The following NELL1 variants were observed in gnomAD, a reference collection of about 807,000 sequenced individuals.
NELL1 encodes protein kinase C-binding protein NELL1.
In NELL1, 76 loss-of-function variants were observed where a neutral mutation model predicts 107.4. The observed-to-expected ratio is 0.71, with a 90% CI of 0.59 to 0.86. The LOEUF is 0.86. Ranked by LOEUF, NELL1 falls within the 40% of genes least tolerant of loss-of-function variation. NELL1 has a pLI of 0.00. For synonymous variants in NELL1, 353 were observed against 341.2 expected, an observed-to-expected ratio of 1.03 and a Z score of -0.38; for missense variants, 1,024 against 1,005.5, an observed-to-expected ratio of 1.02 and a Z score of -0.25.
rs185018311 is a variant in NELL1, at chr11:21,079,958, G to C, written c.1301-33631G>C. The stretch of plus-strand genomic sequence containing the variant: ...TGATTTCTGGATGAGGAGGGGAATA[G>C]AGGATTGGTAGAGAAAATGATGACC... On this transcript the variant is annotated intron_variant, in intron 12 of 19. Coordinates refer to ENST00000357134, the MANE Select transcript of NELL1 (RefSeq NM_006157.5). 2.0e-4 allele frequency among the ~76,000 whole-genome samples: 30 copies of C among 152,132 alleles called. No individual in the cohort carries two copies. In the East Asian group the frequency reaches 5.6e-3, roughly 28 times the overall value.
At chr11:21,108,541 G>GC (rs1855024900) in intron 12 of NELL1, among the ~76,000 whole-genome samples, 1 of 152,064 alleles carries the variant, frequency 6.6e-6, no homozygotes, top group Non-Finnish European at 1.5e-5. Flanking sequence ...TGCAATTTAA[G>GC]CCCCATTATA....
intron 15 of NELL1, among the ~76,000 whole-genome samples, chr11:21,426,361 G>T (rs1852822543): frequency 6.6e-6 from 1 of 152,082 alleles, no homozygotes; most frequent in African/African-American, 2.4e-5. Context: ...ATATATAGTG[G>T]CTGAATAAAT....
intron 7 of NELL1, chr11:20,926,991 T>C (rs968853521): frequency 2.4e-5 from 6 of 253,046 alleles, no homozygotes; most frequent in Non-Finnish European, 3.8e-5. Flanking sequence ...TGAGAACACA[T>C]TCATTATGAG....
At chr11:20,926,417 T>A (rs570865077) in intron 7 of NELL1, among the ~76,000 whole-genome samples, 1 of 152,172 alleles carries the variant, frequency 6.6e-6, no homozygotes, top group South Asian at 2.1e-4. Context: ...TTGCTCAGGA[T>A]GGATTACAAT....
At chr11:21,521,946 G>C (rs990209192) in intron 15 of NELL1, among the ~76,000 whole-genome samples, 2 of 152,138 alleles carry the variant, frequency 1.3e-5, no homozygotes, top group Admixed American at 6.5e-5. Flanking sequence ...TTATTAGTGA[G>C]ATTGTTTGAT....
At chr11:21,017,385 T>C (rs943510059) in intron 12 of NELL1, among the ~76,000 whole-genome samples, 2 of 152,068 alleles carry the variant, frequency 1.3e-5, no homozygotes, top group Non-Finnish European at 2.9e-5. Context: ...ATAAGTGACT[T>C]TGTTGCTGCC....
At position 21,412,263 on chromosome 11, in the gene NELL1, A is replaced by G. The variant is rs16908064; in HGVS notation, c.1645+41315A>G. On this transcript the variant is annotated intron_variant, in intron 15 of 19. Coordinates refer to ENST00000357134, the MANE Select transcript of NELL1 (RefSeq NM_006157.5). ...TTTCCTGTTTTTAACTCAGTCTGGA[A>G]ATTAGAAACATGATAATGATTTTGT... Among the ~76,000 whole-genome samples, 776 of 152,184 alleles carry G rather than the reference A, an allele frequency of 5.1e-3. 30 individuals are homozygous for G. The East Asian group carries it at 0.077, about 15-fold the overall frequency.
At chr11:20,963,003 C>T (rs1484845258) in intron 12 of NELL1, among the ~76,000 whole-genome samples, 1 of 152,128 alleles carries the variant, frequency 6.6e-6, no homozygotes, top group Non-Finnish European at 1.5e-5. Context: ...ACAGAGAACC[C>T]AGTAGAGTGA....
At chr11:21,296,489 A>T (rs541937454) in intron 14 of NELL1, among the ~76,000 whole-genome samples, 4 of 152,088 alleles carry the variant, frequency 2.6e-5, no homozygotes, top group African/African-American at 9.6e-5. Context: ...TAAAATTATC[A>T]ATTATACTTC....
chr11:20,806,161 T>G (rs1857379360), intron 3 of NELL1, among the ~76,000 whole-genome samples: 1 of 151,786 alleles, frequency 6.6e-6, no homozygotes, highest in African/African-American at 2.4e-5. Context: ...AGAACTCCCT[T>G]TAGCATTTCT....
chr11:20,808,751 T>C (rs776139292), intron 3 of NELL1, among the ~76,000 whole-genome samples: 12 of 152,218 alleles, frequency 7.9e-5, no homozygotes, highest in Non-Finnish European at 1.5e-4. Context: ...ACTGTGGGCA[T>C]TGGCTGAATT....
chr11:20,759,584 C>A (rs1229059689), intron 2 of NELL1, among the ~76,000 whole-genome samples: 1 of 152,210 alleles, frequency 6.6e-6, no homozygotes, highest in African/African-American at 2.4e-5. Context: ...TAGGGCATCT[C>A]ACCACTCAGT....
chr11:21,498,535 AGATT>A (rs1855048668), intron 15 of NELL1, among the ~76,000 whole-genome samples: 1 of 151,690 alleles, frequency 6.6e-6, no homozygotes, highest in Non-Finnish European at 1.5e-5. Context: ...GAAGAAGACA[AGATT>A]GATTTAGTTT....
intron 3 of NELL1, among the ~76,000 whole-genome samples, chr11:20,845,695 G>T (rs749402465): frequency 6.6e-6 from 1 of 152,120 alleles, no homozygotes; most frequent in African/African-American, 2.4e-5. Flanking sequence ...GTCTATGAAA[G>T]CACTTGCCAT....
chr11:21,323,144 G>A (rs1850052049), intron 14 of NELL1, among the ~76,000 whole-genome samples: 1 of 152,162 alleles, frequency 6.6e-6, no homozygotes, highest in South Asian at 2.1e-4. Context: ...AGCTTTTGAA[G>A]TGGCTTTATT....
At chr11:20,708,113 G>A (rs112759189) in intron 2 of NELL1, among the ~76,000 whole-genome samples, 6,631 of 152,338 alleles carry the variant, frequency 0.044, 473 homozygotes, top group African/African-American at 0.15. Context: ...CTAGTGGTGA[G>A]TGAGGCTGTG....
At chr11:20,859,579 A>G (rs1172215056) in intron 4 of NELL1, among the ~76,000 whole-genome samples, 1 of 152,182 alleles carries the variant, frequency 6.6e-6, no homozygotes, top group Non-Finnish European at 1.5e-5. Context: ...GTGGTTTTAC[A>G]CTGCTCCAAT....
At chr11:21,351,245 C>G (rs1850806277) in intron 14 of NELL1, among the ~76,000 whole-genome samples, 1 of 151,534 alleles carries the variant, frequency 6.6e-6, no homozygotes. Context: ...CCAGCCGACA[C>G]CTTGATTTCA....
At chr11:21,285,726 G>A (rs1166366367) in intron 14 of NELL1, among the ~76,000 whole-genome samples, 1 of 152,142 alleles carries the variant, frequency 6.6e-6, no homozygotes, top group Non-Finnish European at 1.5e-5. Context: ...TAAACTCTTT[G>A]GTCAGTGTTT....
Sources: gnomAD v4.1 joint callset for allele counts (sites outside exome capture counted in the v4.1 genomes callset) on GRCh38, gnomAD v4.1.1 for gene constraint, MANE v1.5 for transcripts, NCBI Gene and HGNC (gene_info 2026-07-23, HGNC 2026-07-21) for gene names.